ATP2B1: variants seen among roughly 807,000 people sequenced by gnomAD.
ATP2B1 encodes ATPase plasma membrane Ca2+ transporting 1, also known as plasma membrane calcium-transporting ATPase 1.
In ATP2B1, 14 loss-of-function variants were observed where a neutral mutation model predicts 124.2. The ratio of observed to expected loss-of-function variants is 0.11; its 90% confidence interval spans 0.07 to 0.18. The LOEUF (loss-of-function observed/expected upper bound fraction) is 0.18, where lower values mean the gene tolerates loss of function less well. Ranked by LOEUF, ATP2B1 falls within the 10% of genes least tolerant of loss-of-function variation. The probability of loss-of-function intolerance (pLI) is 1.00; values close to 1 mark genes in which losing one functional copy is unlikely to be tolerated. For synonymous variants in ATP2B1, 449 were observed against 492.4 expected (o/e 0.91, Z 1.17); for missense variants, 763 against 1,466.1 (o/e 0.52, Z 7.83).
intron 18 of ATP2B1, among the ~76,000 whole-genome samples, chr12:89,602,701 C>T (rs1297332218): frequency 6.6e-6 from 1 of 151,920 alleles, no homozygotes; most frequent in Non-Finnish European, 1.5e-5. Flanking sequence ...AAATTTAAAC[C>T]TGATCTTTTT....
chr12:89,696,835 T>C (rs529803381), intron 1 of ATP2B1, among the ~76,000 whole-genome samples: 11 of 152,290 alleles, frequency 7.2e-5, no homozygotes, highest in Non-Finnish European at 5.9e-5. Context: ...TGGGTTAATA[T>C]GTGTAAATTG....
In ATP2B1 at chr12:89,620,207, C is replaced by T. The variant is rs368317255; in HGVS notation, c.1621G>A (p.Val541Ile). ...PEKEGGLPRHVGNKTECALLG... is the reference protein window; with the variant it reads ...PEKEGGLPRHIGNKTECALLG... ...AAGGCACATTCAGTTTTATTACCAA[C>T]GTGACGAGGTAATCCACCCTCTTTC... is the stretch of plus-strand genomic sequence containing the variant. The change falls in exon 11 of 21, where the codon GTT becomes ATT. Residue 541 changes from valine to isoleucine, a missense_variant. Coordinates refer to ENST00000428670, the MANE Select transcript of ATP2B1 (RefSeq NM_001366521.1). The T allele has an allele frequency of 4.3e-6, 7 of 1,613,834 alleles. No homozygotes were observed. The Admixed American group carries it at 5.0e-5, about 12-fold the overall frequency.
intron 3 of ATP2B1, among the ~76,000 whole-genome samples, chr12:89,637,619 G>A (rs537832018): frequency 7.2e-5 from 11 of 151,986 alleles, no homozygotes; most frequent in African/African-American, 2.2e-4. Context: ...GATTGGCCTC[G>A]AACTCCTGGC....
At chr12:89,641,967 G>C in intron 3 of ATP2B1, 191 bp downstream of exon 3, 1 of 596,382 alleles carries the variant, frequency 1.7e-6, no homozygotes, top group Non-Finnish European at 2.9e-6. Flanking sequence ...CATTGTAAAA[G>C]GGAGGTAACA....
Position 89,588,984 on chromosome 12 carries a change from C to G in ATP2B1, c.*2000G>C, listed in dbSNP as rs1873087615. 6.6e-6 allele frequency: 1 copy of G among 152,462 alleles called. No individual in the cohort carries two copies. Among genetic ancestry groups the G allele is most frequent in the Non-Finnish European group, 1.5e-5 (1 of 67,982 alleles). 9.4% of individuals were successfully genotyped at this position (152,462 alleles called of 1,614,324 possible). On this transcript the variant is annotated 3_prime_UTR_variant, in exon 21 of 21. Transcript: ENST00000428670. ...TCATGCAGCACATTAATGGCAAAAC[C>G]AAGACTAGAAACCAGGTCTTGACTC...
chr12:89,696,333 A>T (rs147347375), intron 1 of ATP2B1, among the ~76,000 whole-genome samples: 253 of 152,332 alleles, frequency 1.7e-3, no homozygotes, highest in African/African-American at 5.7e-3. Context: ...AATACAGTAA[A>T]TACAGAGAAA....
At chr12:89,702,965 C>A (rs1892033345) in intron 1 of ATP2B1, among the ~76,000 whole-genome samples, 1 of 151,996 alleles carries the variant, frequency 6.6e-6, no homozygotes. Context: ...TTATTTGGAC[C>A]TCTCTGCCAA....
intron 1 of ATP2B1, among the ~76,000 whole-genome samples, chr12:89,687,519 C>G (rs1890100008): frequency 6.6e-6 from 1 of 151,974 alleles, no homozygotes; most frequent in African/African-American, 2.4e-5. Flanking sequence ...GTTTTGCTAT[C>G]TAGGTGGGTG....
In ATP2B1 at chr12:89,603,340, T is replaced by C; in HGVS notation, c.2849-86A>G. ...ATACAAATTACAACTTAGCTAGACC[T>C]TTTATTTGATCTGAAATGGCAGCAT... On this transcript the variant is annotated intron_variant, in intron 17 of 20. Transcript: ENST00000428670. The surrounding 1 kb of genome is among the most constrained non-coding windows in gnomAD (Gnocchi z 4.3). 9.1e-7 allele frequency: 1 copy of C among 1,094,738 alleles called. No homozygotes were observed. The highest frequency in any genetic ancestry group is 1.3e-6 in the Non-Finnish European group (1 of 783,074). The allele number at this position is 1,094,738 out of a possible 1,614,324, so 67.8% of individuals were successfully genotyped here.
chr12:89,642,958 A>G (rs1391856950), intron 2 of ATP2B1, among the ~76,000 whole-genome samples: 1 of 151,876 alleles, frequency 6.6e-6, no homozygotes, highest in Non-Finnish European at 1.5e-5. Context: ...GATGTTAGCA[A>G]TCAGAACTGT....
At chr12:89,653,403 T>C (rs1157055276) in intron 2 of ATP2B1, among the ~76,000 whole-genome samples, 1 of 149,558 alleles carries the variant, frequency 6.7e-6, no homozygotes, top group Non-Finnish European at 1.5e-5. Flanking sequence ...TTCACGCTAT[T>C]CTCCTGCCTC....
chr12:89,609,097 C>G (rs1417735291), intron 15 of ATP2B1, among the ~76,000 whole-genome samples: 2 of 152,120 alleles, frequency 1.3e-5, no homozygotes, highest in Admixed American at 1.3e-4. Flanking sequence ...AACATTTGTA[C>G]ACAAAAACAA....
chr12:89,634,486 T>C (rs974523438), intron 5 of ATP2B1, among the ~76,000 whole-genome samples: 4 of 152,172 alleles, frequency 2.6e-5, no homozygotes, highest in Non-Finnish European at 4.4e-5. Flanking sequence ...TCAAGAGATA[T>C]CATTAGGCCT....
At chr12:89,649,933 G>A (rs1204208960) in intron 2 of ATP2B1, among the ~76,000 whole-genome samples, 1 of 152,054 alleles carries the variant, frequency 6.6e-6, no homozygotes, top group Non-Finnish European at 1.5e-5. Flanking sequence ...TGTTTCTCTT[G>A]CTCCCTCTCT....
At chr12:89,708,083 G>A (rs1892713951) in intron 1 of ATP2B1, among the ~76,000 whole-genome samples, 1 of 152,150 alleles carries the variant, frequency 6.6e-6, no homozygotes, top group Non-Finnish European at 1.5e-5. Flanking sequence ...CAACCACCAG[G>A]GCCAGGGGCC....
rs951074384 is a variant in ATP2B1 at position 89,588,317 on chromosome 12, C to T, written c.*2667G>A. ...ATCTGTTATGAAAATTACCATATCA[C>T]ATATTTGTAAGATGACAAGGAGTAA... On this transcript the variant is annotated 3_prime_UTR_variant, in exon 21 of 21. Transcript: ENST00000428670. 8 of 152,620 alleles carry T rather than the reference C, an allele frequency of 5.2e-5. No homozygotes were observed. Among genetic ancestry groups the T allele is most frequent in the Admixed American group, 3.9e-4 (6 of 15,284 alleles). 9.5% of individuals were successfully genotyped at this position (152,620 alleles called of 1,614,324 possible). A position where few individuals can be genotyped will look rare whatever the true frequency, so the allele number is the denominator to read the frequency against.
chr12:89,603,684 G>GA lies in ATP2B1; in HGVS notation c.2848+27dup, dbSNP rs1374212061. On this transcript the variant is annotated intron_variant, in intron 17 of 20. Coordinates refer to ENST00000428670, the MANE Select transcript of ATP2B1 (RefSeq NM_001366521.1). This position sits in a 1 kb window ranked among gnomAD's most constrained non-coding sequence, Gnocchi z 4.3. ...TAGCTTGGAAAAGAAACAATTAACTGAAGCTTTATTAGACACTGAATTCTT... is the reference window on the plus strand; with the variant it reads ...TAGCTTGGAAAAGAAACAATTAACTGAAAGCTTTATTAGACACTGAATTCTT... The GA allele has an allele frequency of 3.1e-6, 5 of 1,592,142 alleles. No homozygotes were observed. The highest frequency in any genetic ancestry group is 4.3e-6 in the Non-Finnish European group (5 of 1,160,592).
intron 1 of ATP2B1, among the ~76,000 whole-genome samples, chr12:89,688,023 T>C (rs967180490): frequency 1.3e-5 from 2 of 151,768 alleles, no homozygotes; most frequent in African/African-American, 4.8e-5. Flanking sequence ...CTCCTCCAGG[T>C]GAGGAGAAGA....
chr12:89,653,014 C>A (rs1174620697), intron 2 of ATP2B1, among the ~76,000 whole-genome samples: 1 of 152,140 alleles, frequency 6.6e-6, no homozygotes, highest in African/African-American at 2.4e-5. Context: ...CAGGTGCGAG[C>A]CACTGCACTG....
Sources: allele counts gnomAD v4.1 joint callset (sites outside exome capture counted in the v4.1 genomes callset), GRCh38; gene constraint gnomAD v4.1.1; non-coding constraint Gnocchi (gnomAD v3.1); transcripts MANE v1.5; gene names NCBI Gene and HGNC (gene_info 2026-07-23, HGNC 2026-07-21).